CCDC102B: variants seen among roughly 807,000 people sequenced by gnomAD.
The protein encoded by CCDC102B is coiled-coil domain containing 102B, also known as coiled-coil domain-containing protein 102B.
Under a neutral mutation model 57.4 loss-of-function variants are expected in CCDC102B, and 75 were observed. The ratio of observed to expected loss-of-function variants is 1.31; its 90% CI spans 1.08 to 1.58. The LOEUF (loss-of-function observed/expected upper bound fraction) is 1.58, where lower values mean the gene tolerates loss of function less well. Ranked by LOEUF, CCDC102B falls within the 40% of genes most tolerant of loss-of-function variation. CCDC102B has a pLI of 0.00. For missense variants in CCDC102B, 636 were observed against 582.6 expected (o/e 1.09, Z -0.94); for synonymous variants, 206 against 201.9 (o/e 1.02, Z -0.17).
intron 1 of CCDC102B, among the ~76,000 whole-genome samples, chr18:68,828,522 A>C (rs907810143): frequency 6.6e-6 from 1 of 151,634 alleles, no homozygotes; most frequent in African/African-American, 2.4e-5. Flanking sequence ...AAGAAAATAA[A>C]AAAATACAAA....
At chr18:68,734,066 T>G (rs1161473175) in intron 2 of CCDC102B, among the ~76,000 whole-genome samples, 1 of 152,202 alleles carries the variant, frequency 6.6e-6, no homozygotes, top group African/African-American at 2.4e-5. Context: ...AAGACAAGAT[T>G]TCAAGAGCTG....
At chr18:68,866,284 A>C (rs2038975359) in intron 4 of CCDC102B, among the ~76,000 whole-genome samples, 1 of 152,238 alleles carries the variant, frequency 6.6e-6, no homozygotes, top group African/African-American at 2.4e-5. Context: ...TTTATGGCAT[A>C]TTACAGAGTA....
chr18:68,930,363 G>A (rs146543225), intron 6 of CCDC102B, among the ~76,000 whole-genome samples: 41 of 151,378 alleles, frequency 2.7e-4, no homozygotes, highest in Non-Finnish European at 4.6e-4. Flanking sequence ...TTGGGATACC[G>A]GCAAAGGAAA....
rs749592685 is a variant in CCDC102B at position 69,010,952 on chromosome 18, C to T, written c.1282C>T (p.His428Tyr). 8 of 1,595,836 alleles carry T rather than the reference C, an allele frequency of 5.0e-6. No homozygotes were observed. Among genetic ancestry groups the T allele is most frequent in the Non-Finnish European group, 6.8e-6 (8 of 1,169,932 alleles). Residue 428 changes from histidine to tyrosine, a missense_variant, in exon 7 of 8, where the codon CAT becomes TAT. His to Tyr is a moderately conservative substitution (Grantham distance 83). Transcript: ENST00000360242. ...TTGAAAGGAATTACTGAACCTTCAA[C>T]ATGCCTACTATAAACTAAACAGACA... ...EKNQELLNLQHAYYKLNRQYQ... is the reference protein window; with the variant it reads ...EKNQELLNLQYAYYKLNRQYQ...
chr18:68,724,262 A>T (rs1161750319), intron 2 of CCDC102B, among the ~76,000 whole-genome samples: 1 of 152,172 alleles, frequency 6.6e-6, no homozygotes, highest in Non-Finnish European at 1.5e-5. Context: ...CTCTGATAGA[A>T]GGGGCTGTGT....
intron 7 of CCDC102B, among the ~76,000 whole-genome samples, chr18:69,033,727 G>A (rs1049961227): frequency 2.0e-5 from 3 of 151,692 alleles, no homozygotes; most frequent in African/African-American, 7.3e-5. Flanking sequence ...TTGGGATTGT[G>A]AAATCATATG....
intron 4 of CCDC102B, among the ~76,000 whole-genome samples, chr18:68,874,327 A>G (rs149848360): frequency 3.2e-4 from 48 of 152,036 alleles, no homozygotes; most frequent in African/African-American, 1.1e-3. Flanking sequence ...CTGAGGTACT[A>G]ATATTCAGGA....
intron 2 of CCDC102B, among the ~76,000 whole-genome samples, chr18:68,724,099 G>T (rs772785009): frequency 6.6e-6 from 1 of 152,148 alleles, no homozygotes; most frequent in Non-Finnish European, 1.5e-5. Flanking sequence ...GGCTTGCATC[G>T]TCAGAAGCAA....
chr18:68,821,873 A>G (rs2036704599), intron 1 of CCDC102B, among the ~76,000 whole-genome samples: 1 of 152,138 alleles, frequency 6.6e-6, no homozygotes, highest in African/African-American at 2.4e-5. Context: ...AAAATATTCC[A>G]AAATAATTTC....
At chr18:68,941,989 A>G (rs1340999828) in intron 6 of CCDC102B, among the ~76,000 whole-genome samples, 1 of 152,078 alleles carries the variant, frequency 6.6e-6, no homozygotes, top group Non-Finnish European at 1.5e-5. Context: ...CCTCTTGCCA[A>G]AGAAGATTAT....
At chr18:68,734,331 A>C (rs962501031) in intron 2 of CCDC102B, among the ~76,000 whole-genome samples, 2 of 152,156 alleles carry the variant, frequency 1.3e-5, no homozygotes, top group Non-Finnish European at 2.9e-5. Flanking sequence ...TTATTACCAG[A>C]GGCTGCAGCG....
intron 7 of CCDC102B, among the ~76,000 whole-genome samples, chr18:69,014,100 G>A (rs1189333663): frequency 1.3e-5 from 2 of 152,062 alleles, no homozygotes; most frequent in Non-Finnish European, 2.9e-5. Context: ...GTTTCTAAAA[G>A]TATTACTGAT....
At chr18:68,783,763 A>G (rs1197488670) in intron 2 of CCDC102B, among the ~76,000 whole-genome samples, 1 of 151,972 alleles carries the variant, frequency 6.6e-6, no homozygotes, top group Non-Finnish European at 1.5e-5. Flanking sequence ...TCTTGATTTC[A>G]CCATTGTTAG....
At chr18:68,957,525 A>G (rs1245236254) in intron 6 of CCDC102B, among the ~76,000 whole-genome samples, 1 of 146,202 alleles carries the variant, frequency 6.8e-6, no homozygotes, top group African/African-American at 2.5e-5. Flanking sequence ...TCTCTGTAGT[A>G]TAATTTGCAG....
At chr18:68,977,998 AT>A (rs2050485814) in intron 6 of CCDC102B, among the ~76,000 whole-genome samples, 1 of 152,030 alleles carries the variant, frequency 6.6e-6, no homozygotes, top group Non-Finnish European at 1.5e-5. Flanking sequence ...CCTGTGACGT[AT>A]TTGAAGTAGT....
chr18:68,814,508 G>A (rs8086785), intron 1 of CCDC102B, among the ~76,000 whole-genome samples: 26,758 of 151,946 alleles, frequency 0.18, 2,698 homozygotes, highest in East Asian at 0.35. Context: ...TCAATGGTCA[G>A]TTACATTCAG....
In CCDC102B at chr18:69,010,865, G is replaced by T. The variant is rs2051495623; in HGVS notation, c.1264-69G>T. 11 of 1,142,684 alleles carry T rather than the reference G, an allele frequency of 9.6e-6. No individual in the cohort carries two copies. The East Asian group carries it at 2.6e-4, about 27-fold the overall frequency. 70.8% of individuals were successfully genotyped at this position (1,142,684 alleles called of 1,614,324 possible). A position where few individuals can be genotyped will look rare whatever the true frequency, so the allele number is the denominator to read the frequency against. ...AAAATGTTTTTCTCTTTTGTCAAAA[G>T]AAGTTGCCATTCTTCTGATTTTATC... On this transcript the variant is annotated intron_variant, in intron 6 of 7. Transcript: ENST00000360242.
chr18:69,005,449 G>C (rs1185570818), intron 6 of CCDC102B, among the ~76,000 whole-genome samples: 1 of 151,978 alleles, frequency 6.6e-6, no homozygotes, highest in African/African-American at 2.4e-5. Context: ...TAAAAAATTT[G>C]AATGGATAGA....
chr18:69,034,730 A>T (rs925387869), intron 7 of CCDC102B, among the ~76,000 whole-genome samples: 5 of 151,444 alleles, frequency 3.3e-5, no homozygotes, highest in Admixed American at 6.6e-5. Flanking sequence ...TATTATAAAG[A>T]CACCCCACTG....
Sources: gnomAD v4.1 joint callset for allele counts (sites outside exome capture counted in the v4.1 genomes callset) on GRCh38, gnomAD v4.1.1 for gene constraint, MANE v1.5 for transcripts, NCBI Gene and HGNC (gene_info 2026-07-23, HGNC 2026-07-21) for gene names.